The following PPP1R9A variants were observed in gnomAD, a reference collection of about 807,000 sequenced individuals.
PPP1R9A encodes the protein protein phosphatase 1 regulatory subunit 9A, also known as neurabin-1.
PPP1R9A carries 59 observed loss-of-function variants against 141.9 expected under a neutral mutation model. That is an observed-to-expected ratio of 0.42 (90% CI 0.34 to 0.52). The LOEUF (loss-of-function observed/expected upper bound fraction) is 0.52. Among genes scored for constraint, PPP1R9A ranks in the 20% least tolerant of loss-of-function variants. The pLI, the probability that PPP1R9A is intolerant of heterozygous loss-of-function variation, is 0.10. For missense variants in PPP1R9A, 1,444 were observed against 1,611.9 expected, an observed-to-expected ratio of 0.90 and a Z score of 1.78; for synonymous variants, 500 against 569.7, an observed-to-expected ratio of 0.88 and a Z score of 1.74.
chr7:95,104,365 T>C (rs60402751), intron 2 of PPP1R9A, among the ~76,000 whole-genome samples: 4,898 of 152,258 alleles, frequency 0.032, 265 homozygotes, highest in African/African-American at 0.11. Flanking sequence ...AAATGACTTT[T>C]AAGGACAGAA....
chr7:95,020,372 T>C (rs1339026594), intron 2 of PPP1R9A, among the ~76,000 whole-genome samples: 4 of 152,210 alleles, frequency 2.6e-5, no homozygotes, highest in Non-Finnish European at 4.4e-5. Flanking sequence ...AAAACGAAGA[T>C]ATAAATTAAA....
intron 9 of PPP1R9A, 76 bp from the exon 10 acceptor site, chr7:95,249,950 A>AACATGCTAT: frequency 6.8e-7 from 1 of 1,469,614 alleles, no homozygotes; most frequent in Non-Finnish European, 9.0e-7. Flanking sequence ...CTTGATCTAC[A>AACATGCTAT]ACATGCTATA....
intron 7 of PPP1R9A, among the ~76,000 whole-genome samples, chr7:95,222,250 CA>C (rs1280696824): frequency 2.0e-5 from 3 of 151,924 alleles, no homozygotes; most frequent in Non-Finnish European, 4.4e-5. Flanking sequence ...AATATATTCC[CA>C]ATTTTTTTTT....
intron 2 of PPP1R9A, among the ~76,000 whole-genome samples, chr7:95,059,610 C>G (rs1215349728): frequency 6.6e-6 from 1 of 152,116 alleles, no homozygotes; most frequent in Non-Finnish European, 1.5e-5. Flanking sequence ...TATTTTATTA[C>G]TTCATTTTTC....
At chr7:95,246,317 T>C in intron 8 of PPP1R9A, among the ~76,000 whole-genome samples, 1 of 152,192 alleles carries the variant, frequency 6.6e-6, no homozygotes, top group African/African-American at 2.4e-5. Flanking sequence ...TCAGACTCAC[T>C]CACTTCTGAT....
chr7:94,913,284 A>G (rs1365725808), intron 2 of PPP1R9A, among the ~76,000 whole-genome samples: 2 of 152,144 alleles, frequency 1.3e-5, no homozygotes, highest in African/African-American at 4.8e-5. Flanking sequence ...GTGTCTGTTT[A>G]TATGTGAACA....
At chr7:94,958,961 T>G (rs1797338853) in intron 2 of PPP1R9A, among the ~76,000 whole-genome samples, 1 of 151,990 alleles carries the variant, frequency 6.6e-6, no homozygotes, top group African/African-American at 2.4e-5. Context: ...TACTAGAAAG[T>G]TAATAGAAAT....
chr7:94,934,028 G>A (rs754991520), intron 2 of PPP1R9A, among the ~76,000 whole-genome samples: 1 of 152,002 alleles, frequency 6.6e-6, no homozygotes, highest in Non-Finnish European at 1.5e-5. Flanking sequence ...TAGTTTTTTT[G>A]TTAATGTTAT....
chr7:95,011,110 A>G (rs913598589), intron 2 of PPP1R9A, among the ~76,000 whole-genome samples: 9 of 152,196 alleles, frequency 5.9e-5, no homozygotes, highest in African/African-American at 1.9e-4. Flanking sequence ...TCATATCAGC[A>G]TATTACATCC....
At chr7:95,219,461 C>T (rs1249830966) in intron 7 of PPP1R9A, among the ~76,000 whole-genome samples, 1 of 152,092 alleles carries the variant, frequency 6.6e-6, no homozygotes, top group Non-Finnish European at 1.5e-5. Flanking sequence ...AGTTGCTCTT[C>T]TCAAGGAGTA....
At chr7:95,215,969 T>C (rs1374669143) in intron 7 of PPP1R9A, among the ~76,000 whole-genome samples, 1 of 152,222 alleles carries the variant, frequency 6.6e-6, no homozygotes. Context: ...AGAAGCCCTT[T>C]AATTTAATTA....
At chr7:95,209,503 A>T (rs1051679825) in intron 7 of PPP1R9A, among the ~76,000 whole-genome samples, 10 of 152,166 alleles carry the variant, frequency 6.6e-5, no homozygotes, top group Non-Finnish European at 1.0e-4. Flanking sequence ...AAGATCTTTG[A>T]GTCCTGGTAT....
chr7:95,269,864 G>A (rs1387053784), intron 14 of PPP1R9A, among the ~76,000 whole-genome samples: 5 of 152,084 alleles, frequency 3.3e-5, no homozygotes, highest in Admixed American at 6.6e-5. Context: ...TAGAATAGCA[G>A]CCCAGAGTTT....
At chr7:95,233,090 T>C (rs1796196851) in intron 8 of PPP1R9A, among the ~76,000 whole-genome samples, 1 of 152,192 alleles carries the variant, frequency 6.6e-6, no homozygotes, top group Admixed American at 6.5e-5. Flanking sequence ...TGCAGCACTA[T>C]TCACAATAGC....
At chr7:94,971,761 T>A (rs375607087) in intron 2 of PPP1R9A, among the ~76,000 whole-genome samples, 130 of 152,296 alleles carry the variant, frequency 8.5e-4, no homozygotes, top group South Asian at 8.5e-3. Context: ...GACATAGTAA[T>A]CTAGTTGAAG....
At chr7:95,150,141 G>T (rs1235104604) in intron 4 of PPP1R9A, among the ~76,000 whole-genome samples, 1 of 136,620 alleles carries the variant, frequency 7.3e-6, no homozygotes, top group Non-Finnish European at 1.5e-5. Context: ...GGAATAACTG[G>T]ACATCCCCCT....
intron 5 of PPP1R9A, among the ~76,000 whole-genome samples, chr7:95,177,035 G>A (rs1360391763): frequency 2.0e-5 from 3 of 152,048 alleles, no homozygotes; most frequent in African/African-American, 7.2e-5. Context: ...GAAATTCATT[G>A]CAAAAAGATT....
chr7:95,159,423 T>G (rs769660478), intron 4 of PPP1R9A, among the ~76,000 whole-genome samples: 2 of 152,164 alleles, frequency 1.3e-5, no homozygotes, highest in African/African-American at 4.8e-5. Context: ...ATTATTATTA[T>G]TAGTATTATA....
chr7:94,955,578 C>T (rs906920269), intron 2 of PPP1R9A, among the ~76,000 whole-genome samples: 2 of 151,942 alleles, frequency 1.3e-5, no homozygotes, highest in African/African-American at 4.8e-5. Flanking sequence ...TCTTTAGTTC[C>T]CTTAACTGTC....
Sources: allele counts gnomAD v4.1 joint callset (sites outside exome capture counted in the v4.1 genomes callset), GRCh38; gene constraint gnomAD v4.1.1; transcripts MANE v1.5; gene names NCBI Gene and HGNC (gene_info 2026-07-23, HGNC 2026-07-21).